WDFY4: variants seen among roughly 807,000 people sequenced by gnomAD.
WDFY4 encodes the protein WDFY family member 4.
In WDFY4, 169 loss-of-function variants were observed where a neutral mutation model predicts 351.9. The ratio of observed to expected loss-of-function variants is 0.48; its 90% CI spans 0.42 to 0.55. WDFY4 has a LOEUF of 0.55. WDFY4 is among the 20% of genes least tolerant of loss of function. The pLI is 0.00. For synonymous variants in WDFY4, 1,622 were observed against 1,574.6 expected (o/e 1.03, Z -0.71); for missense variants, 3,803 against 3,935.6 (o/e 0.97, Z 0.90).
chr10:48,960,018 C>G (rs971900867), intron 53 of WDFY4, among the ~76,000 whole-genome samples: 1 of 152,206 alleles, frequency 6.6e-6, no homozygotes, highest in African/African-American at 2.4e-5. Flanking sequence ...CCAGTAGACC[C>G]TGCCTGGGTG....
intron 12 of WDFY4, among the ~76,000 whole-genome samples, chr10:48,747,674 T>TCA (rs1362631159): frequency 6.6e-6 from 1 of 152,218 alleles, no homozygotes; most frequent in African/African-American, 2.4e-5. Context: ...ATGACAGTAT[T>TCA]TTATATGTCT....
At chr10:48,787,896 T>TCTTCTTCTC (rs1157877504) in intron 20 of WDFY4, among the ~76,000 whole-genome samples, 1 of 25,706 alleles carries the variant, frequency 3.9e-5, no homozygotes, top group African/African-American at 1.9e-4. Context: ...TTCTTCTCCT[T>TCTTCTTCTC]CTTCTTCTTC....
At chr10:48,894,453 A>G (rs1008256701) in intron 44 of WDFY4, among the ~76,000 whole-genome samples, 1 of 152,248 alleles carries the variant, frequency 6.6e-6, no homozygotes. Context: ...TGAGGACCAC[A>G]TGACCTTGGA....
At chr10:48,960,792 G>A (rs995580393) in intron 53 of WDFY4, among the ~76,000 whole-genome samples, 5 of 152,164 alleles carry the variant, frequency 3.3e-5, no homozygotes, top group Non-Finnish European at 7.3e-5. Flanking sequence ...GAGTTTTAAT[G>A]CATTATCCTA....
chr10:48,728,263 G>C (rs1165776234), intron 7 of WDFY4, among the ~76,000 whole-genome samples: 1 of 152,180 alleles, frequency 6.6e-6, no homozygotes, highest in African/African-American at 2.4e-5. Context: ...TCAAATCCTT[G>C]AAACATGGGA....
chr10:48,901,849 C>A lies in WDFY4; in HGVS notation c.7572C>A (p.Asp2524Glu). ...PSLKGKATSE[D>E]TLSLRRYPGS... ...TGAAGGGGAAAGCCACCTCGGAGGA[C>A]ACCCTCAGTCTAAGGTAATGGCGGG... Residue 2524 changes from aspartate to glutamate, a missense_variant, in exon 47 of 62, where the codon GAC becomes GAA. Asp to Glu is a conservative substitution (Grantham distance 45). This residue lies in a region of WDFY4 where 3,054 missense variants were observed against 3,148.6 expected (regional missense o/e 0.97). Coordinates refer to ENST00000325239, the MANE Select transcript of WDFY4 (RefSeq NM_001394531.1). 2 of 1,551,580 alleles carry A rather than the reference C, an allele frequency of 1.3e-6. No homozygotes were observed. The highest frequency in any genetic ancestry group is 1.7e-6 in the Non-Finnish European group (2 of 1,146,870).
intron 47 of WDFY4, among the ~76,000 whole-genome samples, chr10:48,926,927 C>T (rs566321741): frequency 3.7e-4 from 56 of 152,308 alleles, no homozygotes; most frequent in African/African-American, 1.2e-3. Context: ...GCAGTGTGAA[C>T]GCCTTGCCAC....
chr10:48,861,442 C>T (rs1045030795), intron 39 of WDFY4, among the ~76,000 whole-genome samples: 2 of 152,106 alleles, frequency 1.3e-5, no homozygotes, highest in Non-Finnish European at 2.9e-5. Flanking sequence ...ACCCTTTAAT[C>T]CAAAGGGATA....
chr10:48,782,789 TA>T (rs2066271141), intron 19 of WDFY4, among the ~76,000 whole-genome samples: 1 of 152,246 alleles, frequency 6.6e-6, no homozygotes, highest in Non-Finnish European at 1.5e-5. Context: ...TTTGTAAAGA[TA>T]TGGAGCATTT....
At position 48,779,982 on chromosome 10, in the gene WDFY4, T is replaced by C; in HGVS notation, c.3439T>C (p.Cys1147Arg). The change falls in exon 19 of 62, where the codon TGC becomes CGC. Residue 1147 changes from cysteine to arginine, a missense_variant. This residue lies in a region of WDFY4 where 3,054 missense variants were observed against 3,148.6 expected (regional missense o/e 0.97). Coordinates refer to ENST00000325239, the MANE Select transcript of WDFY4 (RefSeq NM_001394531.1). ...PEDDSEPSAG[C>R]QLQVRCGQLL... is the part of the protein sequence containing the mutation. ...GGATGACTCCGAGCCTTCTGCAGGATGCCAGCTTCAGGTCAGGTGTGGCCA... is the reference window on the plus strand; with the variant it reads ...GGATGACTCCGAGCCTTCTGCAGGACGCCAGCTTCAGGTCAGGTGTGGCCA... The C allele has an allele frequency of 6.4e-7, 1 of 1,551,830 alleles. No homozygotes were observed. Among genetic ancestry groups the C allele is most frequent in the Non-Finnish European group, 8.7e-7 (1 of 1,147,008 alleles).
rs112173394 is a variant in WDFY4 at position 48,716,083 on chromosome 10, C to G, written c.235-3928C>G. Among the ~76,000 whole-genome samples the G allele has an allele frequency of 9.7e-3, 1,476 of 152,174 alleles. 17 individuals are homozygous for G. Among genetic ancestry groups the G allele is most frequent in the African/African-American group, 0.033 (1,382 of 41,526 alleles). ...TTATTCCCATCTTCGGGAAATAACACTTTTTAGCAAAGTTTTGATGCGCCA... is the reference window on the plus strand; with the variant it reads ...TTATTCCCATCTTCGGGAAATAACAGTTTTTAGCAAAGTTTTGATGCGCCA... On this transcript the variant is annotated intron_variant, in intron 2 of 61. Coordinates refer to ENST00000325239, the MANE Select transcript of WDFY4 (RefSeq NM_001394531.1).
At chr10:48,900,769 A>G (rs930349384) in intron 46 of WDFY4, among the ~76,000 whole-genome samples, 1 of 152,220 alleles carries the variant, frequency 6.6e-6, no homozygotes, top group Non-Finnish European at 1.5e-5. Flanking sequence ...CCACATGTGC[A>G]CTGAACATGT....
At chr10:48,758,386 G>A (rs985868817) in intron 12 of WDFY4, among the ~76,000 whole-genome samples, 1 of 152,078 alleles carries the variant, frequency 6.6e-6, no homozygotes, top group Admixed American at 6.6e-5. Context: ...TGCTGTGTCT[G>A]GGCATAATTT....
At chr10:48,901,305 G>T (rs1837340936) in intron 46 of WDFY4, among the ~76,000 whole-genome samples, 1 of 152,178 alleles carries the variant, frequency 6.6e-6, no homozygotes, top group Non-Finnish European at 1.5e-5. Context: ...CATTAAACTT[G>T]ATTCATTTCC....
chr10:48,742,339 C>G (rs1056899286), intron 11 of WDFY4, among the ~76,000 whole-genome samples: 1 of 152,234 alleles, frequency 6.6e-6, no homozygotes, highest in African/African-American at 2.4e-5. Context: ...TCTTTTCACA[C>G]CACATTTTAA....
rs111580791 is a variant in WDFY4 at position 48,752,261 on chromosome 10, C to A, written c.2460-8086C>A. On this transcript the variant is annotated intron_variant, in intron 12 of 61. Transcript: ENST00000325239. ...TGTGTAAACTAGATTTCCCGAATCA[C>A]AAATCCCTGGGGTTGAAATTTAGGG... Among the ~76,000 whole-genome samples, 1,321 of 152,356 alleles carry A rather than the reference C, an allele frequency of 8.7e-3. 16 individuals are homozygous for A. The highest frequency in any genetic ancestry group is 0.03 in the African/African-American group (1,266 of 41,590).
intron 44 of WDFY4, among the ~76,000 whole-genome samples, chr10:48,893,340 C>A (rs1432879902): frequency 2.0e-5 from 3 of 152,216 alleles, no homozygotes; most frequent in Admixed American, 6.5e-5. Flanking sequence ...AATACAATCA[C>A]AGTGTGAGGT....
intron 19 of WDFY4, 47 bp from the exon 20 acceptor site, chr10:48,786,592 A>G (rs759008155): frequency 1.4e-6 from 2 of 1,402,076 alleles, no homozygotes; most frequent in South Asian, 2.6e-5. Flanking sequence ...TACTTGATTA[A>G]CTCTGAGATC....
At chr10:48,704,240 C>T (rs2063561683) in intron 1 of WDFY4, among the ~76,000 whole-genome samples, 1 of 152,164 alleles carries the variant, frequency 6.6e-6, no homozygotes, top group Non-Finnish European at 1.5e-5. Context: ...AGTTAAGACA[C>T]CACAGGGGCC....
Sources: gnomAD v4.1 joint callset for allele counts (sites outside exome capture counted in the v4.1 genomes callset) on GRCh38, gnomAD v4.1.1 for gene constraint, gnomAD v4.1.1 regional missense constraint, MANE v1.5 for transcripts, NCBI Gene and HGNC (gene_info 2026-07-23, HGNC 2026-07-21) for gene names.